LRRIQ4: variants seen among roughly 807,000 people sequenced by gnomAD.
LRRIQ4 encodes leucine-rich repeat and IQ domain-containing protein 4.
A neutral mutation model predicts 40.1 loss-of-function variants in LRRIQ4; 21 were observed. That is an observed-to-expected ratio of 0.52 (90% CI 0.37 to 0.75). The LOEUF is 0.75. Ranked by LOEUF, LRRIQ4 falls within the 30% of genes least tolerant of loss-of-function variation. The pLI is 0.00. For synonymous variants in LRRIQ4, 277 were observed against 277.1 expected (o/e 1.00, Z 0.00); for missense variants, 655 against 660.0 (o/e 0.99, Z 0.08).
chr3:169,813,910 G>A (rs182477756), intron 1 of LRRIQ4, among the ~76,000 whole-genome samples: 3 of 152,284 alleles, frequency 2.0e-5, no homozygotes, highest in Non-Finnish European at 4.4e-5. Context: ...ATGCAGACGG[G>A]CAGGTTGTGG....
intron 2 of LRRIQ4, among the ~76,000 whole-genome samples, chr3:169,824,377 A>C (rs1322761437): frequency 6.6e-6 from 1 of 152,092 alleles, no homozygotes; most frequent in Non-Finnish European, 1.5e-5. Flanking sequence ...TGGGGAAGAG[A>C]TCATAAGGGG....
chr3:169,817,596 A>T (rs1272658684), intron 1 of LRRIQ4, among the ~76,000 whole-genome samples: 2 of 152,302 alleles, frequency 1.3e-5, no homozygotes, highest in South Asian at 4.1e-4. Context: ...TTTGCTTTAC[A>T]TAACTAGGTG....
chr3:169,821,860 AT>A (rs1017664261), intron 1 of LRRIQ4, 30 bp from the exon 2 acceptor site: 98 of 1,224,094 alleles, frequency 8.0e-5, no homozygotes, highest in African/African-American at 4.8e-4. Flanking sequence ...GGTAAATTCT[AT>A]TTTTTTTCAT....
intron 1 of LRRIQ4, among the ~76,000 whole-genome samples, chr3:169,819,576 G>A (rs1355306782): frequency 2.6e-5 from 4 of 152,118 alleles, no homozygotes; most frequent in Admixed American, 1.3e-4. Flanking sequence ...TCCTGTAAAC[G>A]AGTGATGTTA....
At chr3:169,836,234 G>A (rs1355686393) in intron 5 of LRRIQ4, among the ~76,000 whole-genome samples, 2 of 152,014 alleles carry the variant, frequency 1.3e-5, no homozygotes, top group Non-Finnish European at 2.9e-5. Flanking sequence ...CCAGTAGTGT[G>A]TGGAGGTGGA....
In LRRIQ4 at chr3:169,822,065, A is replaced by C. The variant is rs1779904925; in HGVS notation, c.144A>C (p.Thr48=). ...TTCCTTTGGAGATCTTCACATTCAC[A>C]GAATTAGAAGAAGTGCATTTGGAGA... ...TAIPLEIFTF[T]ELEEVHLENN... is the part of the protein sequence containing the mutation. The change falls in exon 2 of 6, where the codon ACA becomes ACC. Residue 48 remains threonine, a synonymous_variant. Transcript: ENST00000340806. 1 of 1,603,830 alleles carries C rather than the reference A, an allele frequency of 6.2e-7. No homozygotes were observed. Among genetic ancestry groups the C allele is most frequent in the Non-Finnish European group, 8.5e-7 (1 of 1,177,354 alleles).
In LRRIQ4 at chr3:169,822,557, G is replaced by A; in HGVS notation, c.636G>A (p.Gly212=). 6.2e-7 allele frequency: 1 copy of A among 1,613,930 alleles called. No individual in the cohort carries two copies. Among genetic ancestry groups the A allele is most frequent in the African/African-American group, 1.3e-5 (1 of 75,046 alleles). Residue 212 remains glycine (G), a synonymous_variant, in exon 2 of 6, where the codon GGG becomes GGA. Transcript: ENST00000340806. ...CAGAAGAGATCGGACACCTGACGGGGCTGCAGAAGTTCTATATGGCTTCTA... is the reference window on the plus strand; with the variant it reads ...CAGAAGAGATCGGACACCTGACGGGACTGCAGAAGTTCTATATGGCTTCTA... ...AIPEEIGHLT[G]LQKFYMASNN...
chr3:169,823,547 G>A (rs920015184), intron 2 of LRRIQ4, among the ~76,000 whole-genome samples: 3 of 152,062 alleles, frequency 2.0e-5, no homozygotes, highest in Non-Finnish European at 2.9e-5. Flanking sequence ...GGGGTTTCAC[G>A]GTGTTGTCCA....
At chr3:169,823,323 G>C (rs571714212) in intron 2 of LRRIQ4, among the ~76,000 whole-genome samples, 1 of 151,342 alleles carries the variant, frequency 6.6e-6, no homozygotes. Flanking sequence ...CAGCTGCCAG[G>C]CTCCAGGGTC....
At chr3:169,836,059 T>C (rs1475696470) in intron 5 of LRRIQ4, among the ~76,000 whole-genome samples, 1 of 152,160 alleles carries the variant, frequency 6.6e-6, no homozygotes, top group Non-Finnish European at 1.5e-5. Flanking sequence ...TTCTAAGCAT[T>C]GAGATACATC....
At chr3:169,824,541 C>A (rs1167009903) in intron 2 of LRRIQ4, among the ~76,000 whole-genome samples, 1 of 152,010 alleles carries the variant, frequency 6.6e-6, no homozygotes, top group African/African-American at 2.4e-5. Flanking sequence ...TGGAGTCTCA[C>A]TCACTCTGTC....
At chr3:169,826,525 A>G (rs1160344930) in intron 2 of LRRIQ4, among the ~76,000 whole-genome samples, 2 of 152,168 alleles carry the variant, frequency 1.3e-5, no homozygotes, top group Non-Finnish European at 1.5e-5. Flanking sequence ...ATACATCTAG[A>G]TTTCTTCTCA....
rs748838877 is a variant in LRRIQ4, at chr3:169,822,726, C to G, written c.805C>G (p.Leu269Val). 9 of 1,613,942 alleles carry G rather than the reference C, an allele frequency of 5.6e-6. No individual in the cohort carries two copies. The South Asian group carries it at 8.8e-5, about 16-fold the overall frequency. Residue 269 changes from leucine to valine, a missense_variant, in exon 2 of 6, where the codon CTG becomes GTG. Leu to Val is a conservative substitution (Grantham distance 32, BLOSUM62 1). Transcript: ENST00000340806. ...GGAAATCGGGCTGAGCGGGAACCGCCTGGAGAAGGTGCCACGCCTCATTTG... is the reference window on the plus strand; with the variant it reads ...GGAAATCGGGCTGAGCGGGAACCGCGTGGAGAAGGTGCCACGCCTCATTTG... ...MTEIGLSGNRLEKVPRLICRW... is the reference protein window; with the variant it reads ...MTEIGLSGNRVEKVPRLICRW...
chr3:169,828,693 G>A (rs1265372500), intron 2 of LRRIQ4, 66 bp from the exon 3 acceptor site: 6 of 1,484,974 alleles, frequency 4.0e-6, no homozygotes, highest in Non-Finnish European at 5.5e-6. Flanking sequence ...AAAACCAGAA[G>A]CCCAATTTAT....
In LRRIQ4 at chr3:169,834,074, A is replaced by G. The variant is rs143382683; in HGVS notation, c.1530+891A>G. On this transcript the variant is annotated intron_variant, in intron 5 of 5. Transcript: ENST00000340806. ...AAAAGTAATTTATATACAAATATAT[A>G]TTTCAGGCCTGGCGCGGTGGCTCTC... 7.1e-3 allele frequency among the ~76,000 whole-genome samples: 1,079 copies of G among 152,346 alleles called. 25 individuals carry two copies. In the East Asian group the frequency reaches 0.076, roughly 11 times the overall value.
In LRRIQ4 at chr3:169,831,661, C is replaced by T. The variant is rs147211072; in HGVS notation, c.1333+1031C>T. ...GAGAGAGTGGAAGCTGATGCCTACT[C>T]ATAAGGCATTCAAAAACTGGGGGCA... On this transcript the variant is annotated intron_variant, in intron 4 of 5. Transcript: ENST00000340806. Among the ~76,000 whole-genome samples, 195 of 150,536 alleles carry T rather than the reference C, an allele frequency of 1.3e-3. 1 individual carries two copies. Among genetic ancestry groups the T allele is most frequent in the African/African-American group, 4.5e-3 (184 of 41,122 alleles).
At chr3:169,821,859 T>G in intron 1 of LRRIQ4, 32 bp from the exon 2 acceptor site, 1 of 1,222,492 alleles carries the variant, frequency 8.2e-7, no homozygotes, top group Non-Finnish European at 1.1e-6. Context: ...AGGTAAATTC[T>G]ATTTTTTTTC....
At position 169,822,744 on chromosome 3, in the gene LRRIQ4, C is replaced by A; in HGVS notation, c.823C>A (p.Leu275Ile). ...GAACCGCCTGGAGAAGGTGCCACGC[C>A]TCATTTGCAGGTGGACCTCGCTGCA... ...SGNRLEKVPR[L>I]ICRWTSLHLL... The change falls in exon 2 of 6, where the codon CTC becomes ATC. Residue 275 changes from leucine (L) to isoleucine (I), a missense_variant. Coordinates refer to ENST00000340806, the MANE Select transcript of LRRIQ4 (RefSeq NM_001080460.3). 6.2e-7 allele frequency: 1 copy of A among 1,613,808 alleles called. No individual in the cohort carries two copies. The highest frequency in any genetic ancestry group is 8.5e-7 in the Non-Finnish European group (1 of 1,179,768).
At chr3:169,813,396 G>T (rs1186062579) in intron 1 of LRRIQ4, among the ~76,000 whole-genome samples, 1 of 152,222 alleles carries the variant, frequency 6.6e-6, no homozygotes, top group Non-Finnish European at 1.5e-5. Flanking sequence ...GAGGGATCTG[G>T]TGTCTCATTG....
Sources: gnomAD v4.1 joint callset for allele counts (sites outside exome capture counted in the v4.1 genomes callset) on GRCh38, gnomAD v4.1.1 for gene constraint, MANE v1.5 for transcripts, NCBI Gene and HGNC (gene_info 2026-07-23, HGNC 2026-07-21) for gene names.